The following LRRC4C variants were observed in gnomAD, a reference collection of about 807,000 sequenced individuals.
LRRC4C encodes the protein leucine-rich repeat-containing protein 4C.
In LRRC4C, 5 loss-of-function variants were observed where a neutral mutation model predicts 33.6. That is an observed-to-expected ratio of 0.15 (90% CI 0.08 to 0.31). The LOEUF (loss-of-function observed/expected upper bound fraction) is 0.31, where lower values mean the gene tolerates loss of function less well. Ranked by LOEUF, LRRC4C falls within the 10% of genes least tolerant of loss-of-function variation. LRRC4C has a pLI of 1.00. For synonymous variants in LRRC4C, 329 were observed against 302.0 expected, an observed-to-expected ratio of 1.09 and a Z score of -0.93; for missense variants, 560 against 796.7, an observed-to-expected ratio of 0.70 and a Z score of 3.58.
chr11:40,815,457 C>T (rs181917039), intron 2 of LRRC4C, among the ~76,000 whole-genome samples: 30 of 152,288 alleles, frequency 2.0e-4, no homozygotes, highest in Non-Finnish European at 1.3e-4. Context: ...TACCAAAACA[C>T]ATTTGATAGA....
At chr11:41,377,404 G>C (rs1952976410) in intron 1 of LRRC4C, among the ~76,000 whole-genome samples, 1 of 152,092 alleles carries the variant, frequency 6.6e-6, no homozygotes, top group South Asian at 2.1e-4. Context: ...AAGCAGCCTG[G>C]GCTAGAGAGA....
At chr11:41,234,673 G>T (rs975381084) in intron 1 of LRRC4C, among the ~76,000 whole-genome samples, 4 of 152,056 alleles carry the variant, frequency 2.6e-5, no homozygotes, top group African/African-American at 9.7e-5. Context: ...CGAATGGATG[G>T]ATTCTTTTGC....
At chr11:41,286,931 G>A (rs944480460) in intron 1 of LRRC4C, among the ~76,000 whole-genome samples, 20 of 151,972 alleles carry the variant, frequency 1.3e-4, no homozygotes, top group African/African-American at 4.8e-4. Context: ...ACATCAGTTA[G>A]GAACTCCATG....
rs532307526 is a variant in LRRC4C at position 40,577,871 on chromosome 11, T to A, written c.-270+70271A>T. ...TTTTTTTTGAGACGGAGTCTCGCTC[T>A]GTCGCCCAGGCTGGAGTGCAGTGGT... On this transcript the variant is annotated intron_variant, in intron 3 of 6. Coordinates refer to ENST00000528697, the MANE Select transcript of LRRC4C (RefSeq NM_001258419.2). Among the ~76,000 whole-genome samples, 506 of 144,776 alleles carry A rather than the reference T, an allele frequency of 3.5e-3. 1 individual carries two copies. The highest frequency in any genetic ancestry group is 6.4e-3 in the Non-Finnish European group (425 of 66,440). The allele number at this position is 144,776 out of a possible 152,430, so 95.0% of individuals were successfully genotyped here. A position where few individuals can be genotyped will look rare whatever the true frequency, so the allele number is the denominator to read the frequency against.
chr11:40,137,113 AAAG>A (rs1401327679), intron 6 of LRRC4C, among the ~76,000 whole-genome samples: 3 of 152,186 alleles, frequency 2.0e-5, no homozygotes, highest in Non-Finnish European at 2.9e-5. Flanking sequence ...ATTATCACTT[AAAG>A]AAGTTTATTT....
chr11:40,181,136 C>T (rs1343135792), intron 5 of LRRC4C, among the ~76,000 whole-genome samples: 1 of 152,150 alleles, frequency 6.6e-6, no homozygotes, highest in Non-Finnish European at 1.5e-5. Context: ...TTCCCATCAC[C>T]ACAATTCTCT....
At chr11:41,283,376 G>A (rs569181951) in intron 1 of LRRC4C, among the ~76,000 whole-genome samples, 1 of 152,028 alleles carries the variant, frequency 6.6e-6, no homozygotes, top group Non-Finnish European at 1.5e-5. Context: ...CTAACCACAG[G>A]GGATGTTACT....
rs147027309 is a variant in LRRC4C, at chr11:41,382,989, A to C, written c.-496+76442T>G. Among the ~76,000 whole-genome samples the C allele has an allele frequency of 1.1e-4, 17 of 152,228 alleles. No individual in the cohort carries two copies. In the East Asian group the frequency reaches 3.3e-3, roughly 29 times the overall value. On this transcript the variant is annotated intron_variant, in intron 1 of 6. Transcript: ENST00000528697. ...GTGCACATGCAATGGGTAAGCATAC[A>C]ATGCAACATACATCTTAGGTTCACC...
intron 4 of LRRC4C, among the ~76,000 whole-genome samples, chr11:40,316,832 T>C (rs964476248): frequency 6.6e-6 from 1 of 151,976 alleles, no homozygotes. Context: ...GGAAACCAGA[T>C]AGCCTTGAAT....
intron 1 of LRRC4C, among the ~76,000 whole-genome samples, chr11:40,998,918 T>A (rs905299891): frequency 2.0e-5 from 3 of 152,148 alleles, no homozygotes; most frequent in Admixed American, 6.5e-5. Flanking sequence ...ATCTCCCTCC[T>A]TTCCCGCATC....
chr11:40,469,733 G>T (rs1225003491), intron 3 of LRRC4C, among the ~76,000 whole-genome samples: 1 of 152,142 alleles, frequency 6.6e-6, no homozygotes, highest in Non-Finnish European at 1.5e-5. Context: ...TGAGTAGGCA[G>T]TTTTCACCTC....
intron 3 of LRRC4C, among the ~76,000 whole-genome samples, chr11:40,603,171 C>A (rs891055412): frequency 6.6e-6 from 1 of 152,116 alleles, no homozygotes; most frequent in Non-Finnish European, 1.5e-5. Context: ...CATTTGAACA[C>A]CAAATGTGTA....
Position 40,933,739 on chromosome 11 carries a change from G to T in LRRC4C, c.-495-16C>A, listed in dbSNP as rs1271010368. 2 of 152,144 alleles carry T rather than the reference G, an allele frequency of 1.3e-5. No individual in the cohort carries two copies. The highest frequency in any genetic ancestry group is 2.4e-5 in the African/African-American group (1 of 41,424). The allele number at this position is 152,144 out of a possible 1,614,324, so 9.4% of individuals were successfully genotyped here. On this transcript the variant is annotated splice_polypyrimidine_tract_variant and intron_variant, in intron 1 of 6. Transcript: ENST00000528697. The stretch of plus-strand genomic sequence containing the variant: ...AGAACCATTTCTAGAAAAGACATAC[G>T]ATTAAAACATGGCATTACATTTAAG...
chr11:41,168,220 T>C (rs1383752160), intron 1 of LRRC4C, among the ~76,000 whole-genome samples: 1 of 152,188 alleles, frequency 6.6e-6, no homozygotes, highest in Non-Finnish European at 1.5e-5. Flanking sequence ...GGCCAGCTGC[T>C]CTCAGGACTC....
chr11:40,967,113 A>C (rs1376010506), intron 1 of LRRC4C, among the ~76,000 whole-genome samples: 1 of 151,888 alleles, frequency 6.6e-6, no homozygotes, highest in Non-Finnish European at 1.5e-5. Flanking sequence ...AGCTAATCTG[A>C]GTTTGAGCTT....
intron 1 of LRRC4C, among the ~76,000 whole-genome samples, chr11:41,164,186 T>TTC (rs1944614214): frequency 4.1e-5 from 1 of 24,610 alleles, no homozygotes. Flanking sequence ...TCTTTTACCT[T>TTC]TTTTATTTTT....
intron 2 of LRRC4C, among the ~76,000 whole-genome samples, chr11:40,910,983 GC>G (rs1956651272): frequency 6.6e-6 from 1 of 152,240 alleles, no homozygotes; most frequent in Admixed American, 6.5e-5. Flanking sequence ...CTGCAAGGCA[GC>G]AGCAAGGCTG....
chr11:40,287,251 A>T (rs1242360142), intron 4 of LRRC4C, among the ~76,000 whole-genome samples: 2 of 104,984 alleles, frequency 1.9e-5, no homozygotes, highest in African/African-American at 7.4e-5. Context: ...ACTTAATGTC[A>T]CTGTATGTGT....
intron 2 of LRRC4C, among the ~76,000 whole-genome samples, chr11:40,889,103 T>A (rs921046387): frequency 2.0e-5 from 3 of 152,014 alleles, no homozygotes; most frequent in African/African-American, 7.2e-5. Context: ...AATAAAATAA[T>A]TTAGAATGTG....
Sources: allele counts gnomAD v4.1 joint callset (sites outside exome capture counted in the v4.1 genomes callset), GRCh38; gene constraint gnomAD v4.1.1; transcripts MANE v1.5; gene names NCBI Gene and HGNC (gene_info 2026-07-23, HGNC 2026-07-21).